The following IL1RAPL2 variants were observed in gnomAD, a reference collection of about 807,000 sequenced individuals.
The protein encoded by IL1RAPL2 is interleukin 1 receptor accessory protein like 2.
IL1RAPL2 carries 3 observed loss-of-function variants against 44.1 expected under a neutral mutation model. The ratio of observed to expected loss-of-function variants is 0.07; its 90% CI spans 0.03 to 0.18. The LOEUF is 0.18. Among genes scored for constraint, IL1RAPL2 ranks in the 10% least tolerant of loss-of-function variants. IL1RAPL2 has a pLI of 1.00. For synonymous variants in IL1RAPL2, 181 were observed against 178.8 expected, an observed-to-expected ratio of 1.01 and a Z score of -0.10; for missense variants, 391 against 496.4, an observed-to-expected ratio of 0.79 and a Z score of 2.02.
chrX:105,093,923 A>C, intron 2 of IL1RAPL2, among the ~76,000 whole-genome samples: 1 of 111,840 alleles, frequency 8.9e-6, no homozygotes, highest in East Asian at 2.8e-4. Context: ...AAAAGAGATT[A>C]AATAAGGTAA....
chrX:105,759,795 C>G (rs1422463319), intron 10 of IL1RAPL2, among the ~76,000 whole-genome samples: 1 of 111,993 alleles, frequency 8.9e-6, no homozygotes, highest in African/African-American at 3.2e-5. Context: ...GTCAGATGAT[C>G]CCTAGTCACT....
At chrX:105,428,136 CA>C (rs1361324796) in intron 5 of IL1RAPL2, among the ~76,000 whole-genome samples, 1 of 110,736 alleles carries the variant, frequency 9.0e-6, no homozygotes, top group Admixed American at 9.6e-5. Flanking sequence ...ATATCTAAAA[CA>C]AAAAACTACA....
intron 5 of IL1RAPL2, among the ~76,000 whole-genome samples, chrX:105,411,459 G>A (rs1420296008): frequency 1.8e-5 from 2 of 111,395 alleles, no homozygotes; most frequent in African/African-American, 3.3e-5. Flanking sequence ...GACTGAAAGT[G>A]AAAGAATGGA....
rs199874385 is a variant in IL1RAPL2, at chrX:105,643,884, T to TTTTC, written c.773-73467_773-73464dup. ...ATAGCACATATTAAAGCAAGCTTTT[T>TTTTC]TTTCTTTCTTTCTTTCTTTATTTTT... On this transcript the variant is annotated intron_variant, in intron 6 of 10. Coordinates refer to ENST00000372582, the MANE Select transcript of IL1RAPL2 (RefSeq NM_017416.2). Among the ~76,000 whole-genome samples the TTTTC allele has an allele frequency of 9.5e-3, 1,057 of 111,350 alleles. 18 individuals are homozygous for TTTTC. Among genetic ancestry groups the TTTTC allele is most frequent in the African/African-American group, 0.033 (1,008 of 30,573 alleles).
chrX:104,854,561 C>T (rs781025688), intron 2 of IL1RAPL2, among the ~76,000 whole-genome samples: 7 of 111,517 alleles, frequency 6.3e-5, no homozygotes, highest in Admixed American at 1.9e-4. Context: ...AGTCCAAGGA[C>T]ACTCTTCAGT....
chrX:104,964,807 C>CT (rs1158456388), intron 2 of IL1RAPL2, among the ~76,000 whole-genome samples: 9 of 107,034 alleles, frequency 8.4e-5, no homozygotes, highest in South Asian at 4.1e-4. Flanking sequence ...GTTTTTTTTT[C>CT]TTTTTTTTTA....
intron 2 of IL1RAPL2, among the ~76,000 whole-genome samples, chrX:104,755,203 A>G (rs1235114967): frequency 1.8e-5 from 2 of 110,760 alleles, no homozygotes; most frequent in Non-Finnish European, 3.8e-5. Context: ...GTATCACAAT[A>G]ATCTCTTCTA....
chrX:104,627,551 C>A (rs1929541398), intron 1 of IL1RAPL2, among the ~76,000 whole-genome samples: 1 of 111,356 alleles, frequency 9.0e-6, no homozygotes, highest in African/African-American at 3.3e-5. Flanking sequence ...AGACCACAGA[C>A]AGCAGTTGCT....
chrX:104,910,223 G>A (rs1239617905), intron 2 of IL1RAPL2, among the ~76,000 whole-genome samples: 1 of 111,791 alleles, frequency 8.9e-6, no homozygotes, highest in Non-Finnish European at 1.9e-5. Context: ...CGCTCACGGT[G>A]CGCGCACCCA....
chrX:104,963,670 A>T (rs2147717232), intron 2 of IL1RAPL2, among the ~76,000 whole-genome samples: 1 of 111,312 alleles, frequency 9.0e-6, no homozygotes, highest in South Asian at 3.8e-4. Context: ...GACAACTTTA[A>T]GTTTGGAATA....
intron 2 of IL1RAPL2, among the ~76,000 whole-genome samples, chrX:105,140,548 C>T (rs1395221662): frequency 1.8e-5 from 2 of 112,098 alleles, no homozygotes; most frequent in African/African-American, 3.2e-5. Context: ...TTGCATCAGC[C>T]GCTGAGATTA....
chrX:104,579,570 CAA>C (rs1392127289), intron 1 of IL1RAPL2, among the ~76,000 whole-genome samples: 1 of 111,443 alleles, frequency 9.0e-6, no homozygotes, highest in Admixed American at 9.6e-5. Flanking sequence ...CACATGGACA[CAA>C]AGAGGCGAGC....
chrX:104,975,572 C>T (rs2030316408), intron 2 of IL1RAPL2, among the ~76,000 whole-genome samples: 1 of 112,642 alleles, frequency 8.9e-6, no homozygotes, highest in Admixed American at 9.4e-5. Context: ...GTAAACTTAA[C>T]AAACTACTCT....
chrX:105,752,658 G>A (rs1393369508), intron 9 of IL1RAPL2, among the ~76,000 whole-genome samples: 2 of 112,366 alleles, frequency 1.8e-5, no homozygotes, highest in Non-Finnish European at 3.8e-5. Flanking sequence ...AGGCCTTGCT[G>A]TTAACCTTAT....
At chrX:105,261,193 T>C (rs781502770) in intron 4 of IL1RAPL2, among the ~76,000 whole-genome samples, 4 of 111,681 alleles carry the variant, frequency 3.6e-5, no homozygotes, top group Non-Finnish European at 5.6e-5. Context: ...TTTCCTGTGG[T>C]CACACATTCA....
At chrX:104,795,120 C>T (rs1010999066) in intron 2 of IL1RAPL2, among the ~76,000 whole-genome samples, 1 of 111,499 alleles carries the variant, frequency 9.0e-6, no homozygotes, top group African/African-American at 3.3e-5. Flanking sequence ...GCCAAGTTCC[C>T]ATCTTTGGAG....
At chrX:105,354,897 A>G (rs1262093472) in intron 5 of IL1RAPL2, among the ~76,000 whole-genome samples, 6 of 110,952 alleles carry the variant, frequency 5.4e-5, no homozygotes, top group Non-Finnish European at 9.4e-5. Flanking sequence ...TCCCCCTCCT[A>G]TGCTCTCCAT....
At chrX:105,446,060 T>A (rs780186225) in intron 5 of IL1RAPL2, among the ~76,000 whole-genome samples, 165 of 111,732 alleles carry the variant, frequency 1.5e-3, no homozygotes, top group African/African-American at 5.2e-3. Flanking sequence ...GCTTTATATA[T>A]CTGGGTGCTC....
chrX:104,715,313 G>A (rs949008273), intron 2 of IL1RAPL2, among the ~76,000 whole-genome samples: 3 of 107,690 alleles, frequency 2.8e-5, no homozygotes, highest in Non-Finnish European at 5.8e-5. Flanking sequence ...ATTTCTGTGG[G>A]GGTCTGTAAT....
Sources: allele counts gnomAD v4.1 joint callset (sites outside exome capture counted in the v4.1 genomes callset), GRCh38; gene constraint gnomAD v4.1.1; transcripts MANE v1.5; gene names NCBI Gene and HGNC (gene_info 2026-07-23, HGNC 2026-07-21).